Variants in PDE4D observed in about 807,000 individuals in gnomAD.
PDE4D encodes the protein phosphodiesterase 4D, also known as 3',5'-cyclic-AMP phosphodiesterase 4D.
A neutral mutation model predicts 87.4 loss-of-function variants in PDE4D; 24 were observed. That is an observed-to-expected ratio of 0.27 (90% CI 0.20 to 0.39). The LOEUF (loss-of-function observed/expected upper bound fraction) is 0.39. Among genes scored for constraint, PDE4D ranks in the 10% least tolerant of loss-of-function variants. PDE4D has a pLI of 1.00. For synonymous variants in PDE4D, 384 were observed against 383.2 expected (o/e 1.00, Z -0.02); for missense variants, 714 against 1,041.0 (o/e 0.69, Z 4.32).
intron 1 of PDE4D, among the ~76,000 whole-genome samples, chr5:60,309,687 C>T (rs541907584): frequency 1.3e-5 from 2 of 152,208 alleles, no homozygotes; most frequent in African/African-American, 4.8e-5. Context: ...TTTTTCTCTC[C>T]TCACTGGATC....
chr5:59,126,848 T>C (rs2153448889), intron 5 of PDE4D, among the ~76,000 whole-genome samples: 1 of 152,374 alleles, frequency 6.6e-6, no homozygotes, highest in East Asian at 1.9e-4. Flanking sequence ...AAGCGTGTTA[T>C]ACAGCTGATA....
intron 2 of PDE4D, among the ~76,000 whole-genome samples, chr5:60,049,300 C>G (rs968898398): frequency 1.3e-5 from 2 of 151,990 alleles, no homozygotes; most frequent in African/African-American, 4.8e-5. Flanking sequence ...ACTTCTTTAC[C>G]TTTGGTTTGA....
At chr5:59,973,543 T>G (rs1275252077) in intron 3 of PDE4D, among the ~76,000 whole-genome samples, 9 of 152,220 alleles carry the variant, frequency 5.9e-5, no homozygotes, top group Non-Finnish European at 1.3e-4. Flanking sequence ...CTTTGACATA[T>G]AGAGTTTTAT....
intron 1 of PDE4D, among the ~76,000 whole-genome samples, chr5:59,402,619 A>AT (rs34298212): frequency 0.42 from 63,733 of 151,830 alleles, 13,669 homozygotes; most frequent in East Asian, 0.49. Flanking sequence ...CATGATAATC[A>AT]ACACAGGACA....
At chr5:59,004,588 T>G (rs1751202287) in intron 6 of PDE4D, among the ~76,000 whole-genome samples, 1 of 152,256 alleles carries the variant, frequency 6.6e-6, no homozygotes, top group African/African-American at 2.4e-5. Context: ...CAATATACAC[T>G]ATTGCTGCAT....
intron 3 of PDE4D, among the ~76,000 whole-genome samples, chr5:59,918,114 T>C (rs57781707): frequency 0.022 from 3,381 of 152,070 alleles, 132 homozygotes; most frequent in African/African-American, 0.078. Flanking sequence ...ATGATAAAAA[T>C]ATATAACCAT....
At chr5:59,332,130 G>A in intron 1 of PDE4D, among the ~76,000 whole-genome samples, 1 of 152,002 alleles carries the variant, frequency 6.6e-6, no homozygotes, top group East Asian at 1.9e-4. Context: ...TCATTTCAGA[G>A]GCAATATGAT....
chr5:59,014,349 G>T (rs1292222483), intron 6 of PDE4D, among the ~76,000 whole-genome samples: 1 of 152,158 alleles, frequency 6.6e-6, no homozygotes, highest in Admixed American at 6.5e-5. Context: ...AAAAGAGGAA[G>T]TCAAATTGTC....
chr5:59,875,611 C>A (rs2152741457), intron 1 of PDE4D, among the ~76,000 whole-genome samples: 1 of 151,584 alleles, frequency 6.6e-6, no homozygotes, highest in Non-Finnish European at 1.5e-5. Flanking sequence ...CATCCTTGAG[C>A]TTTTCCCCAC....
rs149771286 is a variant in PDE4D at position 59,589,211 on chromosome 5, C to G, written c.455+303957G>C. 1.8e-4 allele frequency among the ~76,000 whole-genome samples: 27 copies of G among 152,300 alleles called. No individual in the cohort carries two copies. The East Asian group carries it at 5.2e-3, about 29-fold the overall frequency. ...CTGGCTCCAGAGCCTGTACACATTA[C>G]CACAATATTCTAGCACCTCTGTAAT... On this transcript the variant is annotated intron_variant, in intron 1 of 14. Coordinates refer to ENST00000340635, the MANE Select transcript of PDE4D (RefSeq NM_001104631.2).
chr5:60,464,917 T>C (rs1747225981), intron 1 of PDE4D, among the ~76,000 whole-genome samples: 2 of 152,008 alleles, frequency 1.3e-5, no homozygotes, highest in Non-Finnish European at 2.9e-5. Flanking sequence ...GCCTAGACAA[T>C]AAAGTGAGAT....
intron 1 of PDE4D, among the ~76,000 whole-genome samples, chr5:59,375,818 A>G (rs933803707): frequency 6.6e-6 from 1 of 152,240 alleles, no homozygotes; most frequent in Admixed American, 6.5e-5. Flanking sequence ...ATCCAGTATC[A>G]CATCAAAAAG....
At chr5:59,874,282 C>T (rs1015960828) in intron 1 of PDE4D, among the ~76,000 whole-genome samples, 4 of 152,178 alleles carry the variant, frequency 2.6e-5, no homozygotes, top group Admixed American at 2.0e-4. Flanking sequence ...CTCTACTTCT[C>T]AACATCTCCA....
intron 1 of PDE4D, among the ~76,000 whole-genome samples, chr5:59,359,049 C>T (rs557651704): frequency 1.8e-4 from 28 of 152,190 alleles, no homozygotes; most frequent in South Asian, 2.1e-4. Context: ...ACAAATTTAC[C>T]TTTTTAAAGG....
intron 1 of PDE4D, among the ~76,000 whole-genome samples, chr5:59,408,726 A>G (rs1185516726): frequency 6.6e-6 from 1 of 152,190 alleles, no homozygotes; most frequent in Non-Finnish European, 1.5e-5. Context: ...CATCAGTGTG[A>G]CCTGGATGTG....
intron 1 of PDE4D, among the ~76,000 whole-genome samples, chr5:59,827,446 A>G (rs537541666): frequency 6.6e-6 from 1 of 152,146 alleles, no homozygotes; most frequent in South Asian, 2.1e-4. Context: ...TTAATCTTCA[A>G]TCATCTTCAG....
At chr5:59,428,050 G>A (rs1007307804) in intron 1 of PDE4D, among the ~76,000 whole-genome samples, 1 of 152,102 alleles carries the variant, frequency 6.6e-6, no homozygotes, top group African/African-American at 2.4e-5. Flanking sequence ...GATTTAGTAT[G>A]TTAACTGCTT....
At chr5:59,542,721 A>T (rs1217861013) in intron 1 of PDE4D, among the ~76,000 whole-genome samples, 1 of 152,216 alleles carries the variant, frequency 6.6e-6, no homozygotes, top group Non-Finnish European at 1.5e-5. Flanking sequence ...ATAGAAAAAC[A>T]TATAATCAAT....
intron 1 of PDE4D, among the ~76,000 whole-genome samples, chr5:59,509,564 T>G (rs1011864560): frequency 6.6e-6 from 1 of 151,662 alleles, no homozygotes; most frequent in African/African-American, 2.4e-5. Flanking sequence ...TCTATTCTTT[T>G]GTATTTTCTC....
Sources: allele counts gnomAD v4.1 joint callset (sites outside exome capture counted in the v4.1 genomes callset), GRCh38; gene constraint gnomAD v4.1.1; transcripts MANE v1.5; gene names NCBI Gene and HGNC (gene_info 2026-07-23, HGNC 2026-07-21).